The following APBB1 variants were observed in gnomAD, a reference collection of about 807,000 sequenced individuals.
APBB1 encodes adaptor protein FE65a2.
A neutral mutation model predicts 78.4 loss-of-function variants in APBB1; 22 were observed. The ratio of observed to expected loss-of-function variants is 0.28; its 90% CI spans 0.20 to 0.40. The LOEUF (loss-of-function observed/expected upper bound fraction) is 0.40, where lower values mean the gene tolerates loss of function less well. APBB1 is among the 10% of genes least tolerant of loss of function. The pLI is 1.00. For synonymous variants in APBB1, 369 were observed against 372.7 expected (o/e 0.99, Z 0.12); for missense variants, 749 against 932.4 (o/e 0.80, Z 2.56).
intron 1 of APBB1, among the ~76,000 whole-genome samples, chr11:6,418,552 CCGCCCCAGGGCACACCCCT>C (rs1204619958): frequency 1.3e-5 from 2 of 152,208 alleles, no homozygotes; most frequent in South Asian, 4.1e-4. Flanking sequence ...GGGGACACAG[CCGCCCCAGGGCACACCCCT>C]CGGTCGCTGA....
chr11:6,403,935 T>C lies in APBB1; in HGVS notation c.722-113A>G. ...TTGAGAAGGGGTGGTGGAAGAGCTA[T>C]ACCACAACACAGTTCCTGCTTCTGC... On this transcript the variant is annotated intron_variant, in intron 2 of 14. Transcript: ENST00000609360. This position sits in a 1 kb window ranked among gnomAD's most constrained non-coding sequence, Gnocchi z 5.3. 1 of 1,166,036 alleles carries C rather than the reference T, an allele frequency of 8.6e-7. No individual in the cohort carries two copies. Among genetic ancestry groups the C allele is most frequent in the Non-Finnish European group, 1.2e-6 (1 of 838,152 alleles). 72.2% of individuals were successfully genotyped at this position (1,166,036 alleles called of 1,614,324 possible). A position where few individuals can be genotyped will look rare whatever the true frequency, so the allele number is the denominator to read the frequency against.
chr11:6,405,052 C>A, intron 2 of APBB1: 3 of 1,411,420 alleles, frequency 2.1e-6, no homozygotes, highest in Non-Finnish European at 2.8e-6. Flanking sequence ...AGACCCCAGC[C>A]CCTTCTGCTC....
In APBB1 at chr11:6,403,676, G is replaced by A. The variant is rs770812116; in HGVS notation, c.868C>T (p.Gln290Ter). 1.2e-6 allele frequency: 2 copies of A among 1,608,586 alleles called. No individual in the cohort carries two copies. The highest frequency in any genetic ancestry group is 8.5e-7 in the Non-Finnish European group (1 of 1,176,638). Residue 290 changes from glutamine (Q) to a stop codon, truncating the protein, a stop_gained, in exon 3 of 15, where the codon CAG (glutamine) becomes TAG (stop). Transcript: ENST00000609360. LOFTEE classifies it high-confidence loss of function. This position sits in a 1 kb window ranked among gnomAD's most constrained non-coding sequence, Gnocchi z 5.3. ...WEPPGRASPS[Q>*]GSSPQEESQL... ...GACTCCTCTTGGGGGCTGCTCCCCTGTGAGGGGGAGGCCCGGCCGGGGGGT... is the reference window on the plus strand; with the variant it reads ...GACTCCTCTTGGGGGCTGCTCCCCTATGAGGGGGAGGCCCGGCCGGGGGGT...
In APBB1 at chr11:6,395,848, G is replaced by A; in HGVS notation, c.1903C>T (p.His635Tyr). ...GCATTGGGCTCGCACCAGAACATGT[G>A]GCAGCAGAAGGAGGCTGGGCCGGCA... Reference protein sequence around the residue: ...MAAGPASFCCHMFWCEPNAAS... With the variant: ...MAAGPASFCCYMFWCEPNAAS... The change falls in exon 14 of 15, where the codon CAC becomes TAC. Residue 635 changes from histidine to tyrosine, a missense_variant. Transcript: ENST00000609360. This position sits in a 1 kb window ranked among gnomAD's most constrained non-coding sequence, Gnocchi z 5.2. 1 of 1,614,146 alleles carries A rather than the reference G, an allele frequency of 6.2e-7. No homozygotes were observed. The highest frequency in any genetic ancestry group is 2.2e-5 in the East Asian group (1 of 44,880).
chr11:6,395,648 G>A lies in APBB1; in HGVS notation c.2019C>T (p.Leu673=), dbSNP rs540528252. The change falls in exon 15 of 15, where the codon CTC becomes CTT. Residue 673 remains leucine, a synonymous_variant. Transcript: ENST00000609360. This position sits in a 1 kb window ranked among gnomAD's most constrained non-coding sequence, Gnocchi z 5.2. ...DARSQASTSC[L]PAPPAESVAR... is the part of the protein sequence containing the mutation. ...CCACAGACTCAGCAGGGGGTGCTGG[G>A]AGGCAGGAGGTGGAGGCCTGGGAAC... 7.1e-5 allele frequency: 114 copies of A among 1,595,000 alleles called. No homozygotes were observed. In the South Asian group the frequency reaches 1.2e-3, roughly 16 times the overall value.
chr11:6,399,025 C>A (rs1211193831), intron 12 of APBB1, among the ~76,000 whole-genome samples: 2 of 152,228 alleles, frequency 1.3e-5, no homozygotes, highest in African/African-American at 4.8e-5. Flanking sequence ...TACCCTACCA[C>A]TTCTTTTTCA....
intron 12 of APBB1, 133 bp downstream of exon 12, chr11:6,400,856 G>A: frequency 3.6e-6 from 3 of 835,478 alleles, no homozygotes; most frequent in Non-Finnish European, 2.1e-6. Flanking sequence ...ATGGGGAGGT[G>A]GGATGCATTT....
intron 2 of APBB1, among the ~76,000 whole-genome samples, chr11:6,406,390 T>C (rs1283959710): frequency 2.0e-5 from 3 of 151,872 alleles, no homozygotes; most frequent in Non-Finnish European, 4.4e-5. Flanking sequence ...CCCAGGCTAC[T>C]AGCTTTTTTT....
chr11:6,413,843 A>G (rs1849046792), intron 1 of APBB1, among the ~76,000 whole-genome samples: 1 of 152,174 alleles, frequency 6.6e-6, no homozygotes, highest in Admixed American at 6.5e-5. Context: ...TGTAAGATGA[A>G]AAAGGTTTCT....
chr11:6,400,131 G>C (rs1317440483), intron 12 of APBB1, among the ~76,000 whole-genome samples: 1 of 152,084 alleles, frequency 6.6e-6, no homozygotes, highest in Non-Finnish European at 1.5e-5. Flanking sequence ...TGGGACTGTG[G>C]CCACTGTTCT....
In APBB1 at chr11:6,401,259, C is replaced by T. The variant is rs150275458; in HGVS notation, c.1588+86G>A. 15 of 1,611,880 alleles carry T rather than the reference C, an allele frequency of 9.3e-6. No individual in the cohort carries two copies. Among genetic ancestry groups the T allele is most frequent in the Middle Eastern group, 1.7e-4 (1 of 6,060 alleles). On this transcript the variant is annotated intron_variant, in intron 11 of 14. Transcript: ENST00000609360. This position sits in a 1 kb window ranked among gnomAD's most constrained non-coding sequence, Gnocchi z 4.5. Reference sequence around the variant, plus strand: ...CTTCATGTGTTCATTTTTCTATCAGCGCTGTCCAGGAGCTCATGCCTTTCC... The same window carrying T: ...CTTCATGTGTTCATTTTTCTATCAGTGCTGTCCAGGAGCTCATGCCTTTCC...
chr11:6,407,609 A>C (rs1459642392), intron 2 of APBB1, among the ~76,000 whole-genome samples: 1 of 152,132 alleles, frequency 6.6e-6, no homozygotes, highest in East Asian at 1.9e-4. Context: ...GTTTCCCTTT[A>C]ACTGGCTGCA....
intron 1 of APBB1, among the ~76,000 whole-genome samples, chr11:6,413,935 G>A (rs1446354545): frequency 6.6e-6 from 1 of 152,124 alleles, no homozygotes; most frequent in African/African-American, 2.4e-5. Flanking sequence ...ACAGCCACTG[G>A]AATAAATGAA....
intron 1 of APBB1, among the ~76,000 whole-genome samples, chr11:6,414,072 G>A (rs533890038): frequency 2.1e-4 from 32 of 152,228 alleles, no homozygotes; most frequent in Non-Finnish European, 3.7e-4. Context: ...GCCTGCACTC[G>A]TTCGCAGACA....
Position 6,403,867 on chromosome 11 carries a change from A to G in APBB1, c.722-45T>C. ...GTGAGGGTCAGCCTACCCAAAGAGCAGACAGCTGGTGCCTATGCCCGGTCC... is the reference window on the plus strand; with the variant it reads ...GTGAGGGTCAGCCTACCCAAAGAGCGGACAGCTGGTGCCTATGCCCGGTCC... On this transcript the variant is annotated intron_variant, in intron 2 of 14. Transcript: ENST00000609360. The surrounding 1 kb of genome is among the most constrained non-coding windows in gnomAD (Gnocchi z 5.3). The G allele has an allele frequency of 6.6e-7, 1 of 1,518,040 alleles. No individual in the cohort carries two copies. The highest frequency in any genetic ancestry group is 8.8e-7 in the Non-Finnish European group (1 of 1,132,636). 94.0% of individuals were successfully genotyped at this position (1,518,040 alleles called of 1,614,324 possible).
At chr11:6,412,189 G>A (rs1848983886) in intron 1 of APBB1, among the ~76,000 whole-genome samples, 2 of 152,172 alleles carry the variant, frequency 1.3e-5, no homozygotes, top group Non-Finnish European at 2.9e-5. Context: ...TCTTGCTCTT[G>A]TTGCCCAGGC....
At chr11:6,399,453 G>A (rs1399024134) in intron 12 of APBB1, among the ~76,000 whole-genome samples, 1 of 152,180 alleles carries the variant, frequency 6.6e-6, no homozygotes, top group Non-Finnish European at 1.5e-5. Flanking sequence ...AGGAACTTAG[G>A]AGTCATCCTT....
chr11:6,410,734 C>T lies in APBB1; in HGVS notation c.614G>A (p.Ser205Asn). 1 of 1,569,278 alleles carries T rather than the reference C, an allele frequency of 6.4e-7. No homozygotes were observed. Among genetic ancestry groups the T allele is most frequent in the Non-Finnish European group, 8.6e-7 (1 of 1,157,434 alleles). Residue 205 changes from serine to asparagine, a missense_variant, in exon 2 of 15, where the codon AGT becomes AAT. Around this residue, in one of 3 missense-constraint regions of APBB1, gnomAD observed 635 missense variants for 765.0 expected, o/e 0.83. Coordinates refer to ENST00000609360, the MANE Select transcript of APBB1 (RefSeq NM_001164.5). ...CCGCATGCCAAACAGGAGGCTGGCACTCTTGCTGTGTTCCCGGGGGCCATC... is the reference window on the plus strand; with the variant it reads ...CCGCATGCCAAACAGGAGGCTGGCATTCTTGCTGTGTTCCCGGGGGCCATC... ...LTDGPREHSK[S>N]ASLLFGMRNS...
rs1849105070 is a variant in APBB1 at position 6,415,848 on chromosome 11, T to TGATCAA, written c.-15+3131_-15+3136dup. 3.3e-5 allele frequency among the ~76,000 whole-genome samples: 5 copies of TGATCAA among 152,190 alleles called. No homozygotes were observed. In the South Asian group the frequency reaches 1.0e-3, roughly 31 times the overall value. ...CTGTTTATCTATTTTCTCCTCTATATGATCAACCTCTCCTTCTCAATAGGA... is the reference window on the plus strand; with the variant it reads ...CTGTTTATCTATTTTCTCCTCTATATGATCAAGATCAACCTCTCCTTCTCAATAGGA... On this transcript the variant is annotated intron_variant, in intron 1 of 14. Transcript: ENST00000609360.
Sources: allele counts gnomAD v4.1 joint callset (sites outside exome capture counted in the v4.1 genomes callset), GRCh38; gene constraint gnomAD v4.1.1; regional missense constraint gnomAD v4.1.1; non-coding constraint Gnocchi (gnomAD v3.1); transcripts MANE v1.5; gene names NCBI Gene and HGNC (gene_info 2026-07-23, HGNC 2026-07-21).